The following WDFY4 variants were observed in gnomAD, a reference collection of about 807,000 sequenced individuals.
WDFY4 encodes WD repeat- and FYVE domain-containing protein 4.
In WDFY4, 169 loss-of-function variants were observed where a neutral mutation model predicts 351.9. The observed-to-expected ratio is 0.48, with a 90% confidence interval of 0.42 to 0.55. The LOEUF is 0.55. Among genes scored for constraint, WDFY4 ranks in the 20% least tolerant of loss-of-function variants. WDFY4 has a pLI of 0.00. For synonymous variants in WDFY4, 1,622 were observed against 1,574.6 expected, an observed-to-expected ratio of 1.03 and a Z score of -0.71; for missense variants, 3,803 against 3,935.6, an observed-to-expected ratio of 0.97 and a Z score of 0.90.
At chr10:48,730,615 T>G (rs1163237569) in intron 8 of WDFY4, among the ~76,000 whole-genome samples, 1 of 152,238 alleles carries the variant, frequency 6.6e-6, no homozygotes, top group Non-Finnish European at 1.5e-5. Flanking sequence ...CATTTGATTT[T>G]AATCCGCTGA....
rs2064305893 is a variant in WDFY4 at position 48,727,415 on chromosome 10, A to G, written c.782-55A>G. On this transcript the variant is annotated intron_variant, in intron 6 of 61. Transcript: ENST00000325239. The stretch of plus-strand genomic sequence containing the variant: ...GTAGGGGAGGTAGGTGGACCATGGC[A>G]GGAAAGCTCTTGCTTCCAAGCTCAG... 8.6e-6 allele frequency: 13 copies of G among 1,514,550 alleles called. No homozygotes were observed. The South Asian group carries it at 1.1e-4, about 13-fold the overall frequency. The allele number at this position is 1,514,550 out of a possible 1,614,324, so 93.8% of individuals were successfully genotyped here.
intron 47 of WDFY4, among the ~76,000 whole-genome samples, chr10:48,924,281 T>C (rs1279667454): frequency 2.0e-5 from 3 of 152,180 alleles, no homozygotes; most frequent in Non-Finnish European, 4.4e-5. Flanking sequence ...GTTGTGTGGC[T>C]CAGGGTCCAT....
intron 43 of WDFY4, among the ~76,000 whole-genome samples, chr10:48,879,084 C>T (rs2070143871): frequency 6.6e-6 from 1 of 152,174 alleles, no homozygotes; most frequent in Admixed American, 6.5e-5. Context: ...TATTAATATG[C>T]TCATATAGGT....
intron 1 of WDFY4, among the ~76,000 whole-genome samples, chr10:48,693,672 G>A (rs1028510083): frequency 6.6e-6 from 1 of 152,204 alleles, no homozygotes; most frequent in South Asian, 2.1e-4. Flanking sequence ...AACGCTTCAT[G>A]TTACAGGTGG....
chr10:48,851,582 G>A (rs1057131950), intron 39 of WDFY4, among the ~76,000 whole-genome samples: 15 of 152,246 alleles, frequency 9.9e-5, no homozygotes, highest in Non-Finnish European at 1.6e-4. Context: ...GCATCAAGTT[G>A]CTGAGCAGGA....
chr10:48,730,474 G>T (rs907716094), intron 8 of WDFY4, among the ~76,000 whole-genome samples: 4 of 152,230 alleles, frequency 2.6e-5, no homozygotes, highest in Admixed American at 6.5e-5. Flanking sequence ...TTCTGACAAA[G>T]TGTCTCCTGG....
intron 6 of WDFY4, among the ~76,000 whole-genome samples, chr10:48,727,228 G>A (rs952037944): frequency 1.4e-4 from 22 of 152,160 alleles, no homozygotes; most frequent in Non-Finnish European, 1.5e-5. Context: ...GAGAATTAGG[G>A]ACAGAGGGCT....
chr10:48,820,237 G>A lies in WDFY4; in HGVS notation c.5509G>A (p.Val1837Ile). Residue 1837 changes from valine (V) to isoleucine (I), a missense_variant, in exon 33 of 62, where the codon GTT (valine) becomes ATT (isoleucine). Around this residue, in one of 3 missense-constraint regions of WDFY4, gnomAD observed 3,054 missense variants for 3,148.6 expected, o/e 0.97. Transcript: ENST00000325239. ...AAFPLGAQKGVGAESTRNTSS... is the reference protein window; with the variant it reads ...AAFPLGAQKGIGAESTRNTSS... ...TTGGGGTTCTCTTGTCTTTGAGGGG[G>A]TTGGGGCTGAGTCCACCCGGAACAC... 9 of 1,551,640 alleles carry A rather than the reference G, an allele frequency of 5.8e-6. No homozygotes were observed. Among genetic ancestry groups the A allele is most frequent in the Non-Finnish European group, 7.8e-6 (9 of 1,146,974 alleles).
In WDFY4 at chr10:48,777,029, G is replaced by T. The variant is rs541825105; in HGVS notation, c.3098+45G>T. 46 of 1,516,128 alleles carry T rather than the reference G, an allele frequency of 3.0e-5. No individual in the cohort carries two copies. In the African/African-American group the frequency reaches 6.1e-4, roughly 20 times the overall value. 93.9% of individuals were successfully genotyped at this position (1,516,128 alleles called of 1,614,324 possible). A position where few individuals can be genotyped will look rare whatever the true frequency, so the allele number is the denominator to read the frequency against. ...ATTTAAAATGCACTTTATTAATTTTGCAGTGCCTCTGATGAATTATAATAT... is the reference window on the plus strand; with the variant it reads ...ATTTAAAATGCACTTTATTAATTTTTCAGTGCCTCTGATGAATTATAATAT... On this transcript the variant is annotated intron_variant, in intron 16 of 61. Coordinates refer to ENST00000325239, the MANE Select transcript of WDFY4 (RefSeq NM_001394531.1).
chr10:48,788,208 T>C (rs2066559478), intron 20 of WDFY4, among the ~76,000 whole-genome samples: 1 of 151,516 alleles, frequency 6.6e-6, no homozygotes, highest in African/African-American at 2.4e-5. Flanking sequence ...TTTGTACTTT[T>C]AGTAGAGACG....
intron 39 of WDFY4, 112 bp from the exon 40 acceptor site, chr10:48,867,153 G>A (rs1423455238): frequency 2.7e-6 from 1 of 370,884 alleles, no homozygotes; most frequent in Non-Finnish European, 3.8e-6. Flanking sequence ...CTGGGTGACA[G>A]AATGAGACTG....
chr10:48,703,058 C>A (rs2063524326), intron 1 of WDFY4, among the ~76,000 whole-genome samples: 1 of 152,198 alleles, frequency 6.6e-6, no homozygotes, highest in Non-Finnish European at 1.5e-5. Context: ...TGTCTCTCTC[C>A]TCTTTTTAAT....
intron 5 of WDFY4, 59 bp from the exon 6 acceptor site, chr10:48,725,822 T>C: frequency 6.8e-7 from 1 of 1,469,442 alleles, no homozygotes; most frequent in South Asian, 1.3e-5. Context: ...AACAAATCCA[T>C]CTGAGGAAGG....
intron 47 of WDFY4, chr10:48,909,804 A>G (rs1386506383): frequency 6.2e-6 from 1 of 161,022 alleles, no homozygotes; most frequent in African/African-American, 2.4e-5. Flanking sequence ...AAATCTCAAC[A>G]TGAGGTTTGG....
rs1377673697 is a variant in WDFY4, at chr10:48,820,308, T to C, written c.5580T>C (p.Gly1860=). Residue 1860 remains glycine (G), a synonymous_variant, in exon 33 of 62, where the codon GGT becomes GGC. Coordinates refer to ENST00000325239, the MANE Select transcript of WDFY4 (RefSeq NM_001394531.1). Reference sequence around the variant, plus strand: ...CTGAAGGCGACAGCACAGTGGAGGGTCTCCAGGCTCCCACCAAGGCACATC... The same window carrying C: ...CTGAAGGCGACAGCACAGTGGAGGGCCTCCAGGCTCCCACCAAGGCACATC... ...AAAEGDSTVE[G]LQAPTKAHPA... The C allele has an allele frequency of 1.9e-5, 29 of 1,550,722 alleles. No individual in the cohort carries two copies. The highest frequency in any genetic ancestry group is 2.5e-5 in the Non-Finnish European group (29 of 1,146,754).
At position 48,974,845 on chromosome 10, in the gene WDFY4, T is replaced by A; in HGVS notation, c.8929-17T>A. 6.6e-7 allele frequency: 1 copy of A among 1,523,874 alleles called. No homozygotes were observed. Among genetic ancestry groups the A allele is most frequent in the African/African-American group, 1.4e-5 (1 of 72,602 alleles). 94.4% of individuals were successfully genotyped at this position (1,523,874 alleles called of 1,614,324 possible). A position where few individuals can be genotyped will look rare whatever the true frequency, so the allele number is the denominator to read the frequency against. ...AATTGAGGGTCCCTCTCCTAACCTGTGAGTCTCTGTCCCCAGGCCTTGTAT... is the reference window on the plus strand; with the variant it reads ...AATTGAGGGTCCCTCTCCTAACCTGAGAGTCTCTGTCCCCAGGCCTTGTAT... On this transcript the variant is annotated splice_polypyrimidine_tract_variant and intron_variant, in intron 57 of 61. Transcript: ENST00000325239.
At chr10:48,981,559 C>T in intron 61 of WDFY4, 81 bp downstream of exon 61, 1 of 1,363,046 alleles carries the variant, frequency 7.3e-7, no homozygotes, top group Non-Finnish European at 1.0e-6. Flanking sequence ...GCTCTGAGTC[C>T]AGGCCACCTG....
At position 48,774,653 on chromosome 10, in the gene WDFY4, A is replaced by T; in HGVS notation, c.2749A>T (p.Ile917Phe). 2 of 1,551,734 alleles carry T rather than the reference A, an allele frequency of 1.3e-6. No individual in the cohort carries two copies. Among genetic ancestry groups the T allele is most frequent in the Non-Finnish European group, 1.7e-6 (2 of 1,147,000 alleles). ...RIFEKLASQA[I>F]EPDVLRQFLG... ...CTTTGAGAAGCTCGCTTCCCAGGCC[A>T]TTGAACCGGATGTGCTAAGGTACCA... The change falls in exon 14 of 62, where the codon ATT becomes TTT. Residue 917 changes from isoleucine (I) to phenylalanine (F), a missense_variant. Physicochemically the swap from Ile to Phe is conservative, Grantham distance 21 (BLOSUM62 0). Around this residue, in one of 3 missense-constraint regions of WDFY4, gnomAD observed 3,054 missense variants for 3,148.6 expected, o/e 0.97. Coordinates refer to ENST00000325239, the MANE Select transcript of WDFY4 (RefSeq NM_001394531.1).
chr10:48,857,193 A>C (rs1271242854), intron 39 of WDFY4, among the ~76,000 whole-genome samples: 1 of 151,982 alleles, frequency 6.6e-6, no homozygotes, highest in Non-Finnish European at 1.5e-5. Context: ...GACAACCATC[A>C]CATTTTTTTT....
Sources: allele counts gnomAD v4.1 joint callset (sites outside exome capture counted in the v4.1 genomes callset), GRCh38; gene constraint gnomAD v4.1.1; regional missense constraint gnomAD v4.1.1; transcripts MANE v1.5; gene names NCBI Gene and HGNC (gene_info 2026-07-23, HGNC 2026-07-21).